Variants in PKHD1L1 observed in about 807,000 individuals in gnomAD.
PKHD1L1 encodes fibrocystin-L.
In PKHD1L1, 434 loss-of-function variants were observed where a neutral mutation model predicts 462.9. The observed-to-expected ratio is 0.94, with a 90% confidence interval of 0.87 to 1.02. PKHD1L1 has a LOEUF of 1.02. Ranked by LOEUF, PKHD1L1 falls within the 50% of genes least tolerant of loss-of-function variation. The pLI, the probability that PKHD1L1 is intolerant of heterozygous loss-of-function variation, is 0.00. For missense variants in PKHD1L1, 5,202 were observed against 5,096.1 expected (o/e 1.02, Z -0.63); for synonymous variants, 1,781 against 1,750.0 (o/e 1.02, Z -0.44).
At chr8:109,513,425 C>A (rs1820104547) in intron 71 of PKHD1L1, among the ~76,000 whole-genome samples, 1 of 152,106 alleles carries the variant, frequency 6.6e-6, no homozygotes, top group Non-Finnish European at 1.5e-5. Flanking sequence ...AAATTTACTT[C>A]AGAGACTGCA....
intron 39 of PKHD1L1, among the ~76,000 whole-genome samples, chr8:109,448,641 A>G (rs1179587578): frequency 6.6e-6 from 1 of 151,748 alleles, no homozygotes; most frequent in Non-Finnish European, 1.5e-5. Flanking sequence ...CCTCCCGAGT[A>G]GCTGGGACTA....
rs773444455 is a variant in PKHD1L1, at chr8:109,400,208, T to C, written c.1145T>C (p.Leu382Pro). The change falls in exon 13 of 78, where the codon CTC becomes CCC. Residue 382 changes from leucine (L) to proline (P), a missense_variant. Coordinates refer to ENST00000378402, the MANE Select transcript of PKHD1L1 (RefSeq NM_177531.6). ...GTAGATTCAGCTTCCTATATTTGGC[T>C]CATGGAACAAGACACATTTGTTGCA... ...SWVDSASYIW[L>P]MEQDTFVARF... The C allele has an allele frequency of 6.2e-7, 1 of 1,613,696 alleles. No individual in the cohort carries two copies. Among genetic ancestry groups the C allele is most frequent in the Admixed American group, 1.7e-5 (1 of 59,974 alleles).
rs769327934 is a variant in PKHD1L1 at position 109,489,942 on chromosome 8, C to T, written c.9881-10C>T. 27 of 1,530,774 alleles carry T rather than the reference C, an allele frequency of 1.8e-5. No homozygotes were observed. The highest frequency in any genetic ancestry group is 2.4e-5 in the Non-Finnish European group (27 of 1,109,648). 94.8% of individuals were successfully genotyped at this position (1,530,774 alleles called of 1,614,324 possible). ...AAGAAAAACAAATTTTAAATCTTTCCCTACCTTAGGAAATGCAAGAATAAG... is the reference window on the plus strand; with the variant it reads ...AAGAAAAACAAATTTTAAATCTTTCTCTACCTTAGGAAATGCAAGAATAAG... On this transcript the variant is annotated splice_polypyrimidine_tract_variant and intron_variant, in intron 59 of 77. Transcript: ENST00000378402.
chr8:109,425,009 G>A (rs1038415790), intron 23 of PKHD1L1, 76 bp from the exon 24 acceptor site: 53 of 1,225,880 alleles, frequency 4.3e-5, no homozygotes, highest in Non-Finnish European at 5.8e-5. Flanking sequence ...TCACAGGATT[G>A]TACCATGATG....
chr8:109,406,892 T>C (rs1347294096), intron 17 of PKHD1L1, among the ~76,000 whole-genome samples: 2 of 151,796 alleles, frequency 1.3e-5, no homozygotes, highest in African/African-American at 4.8e-5. Flanking sequence ...ACAGAGCTCA[T>C]TGGAATATTA....
intron 2 of PKHD1L1, 139 bp downstream of exon 2, chr8:109,364,775 T>C (rs1472267626): frequency 4.8e-6 from 3 of 630,770 alleles, no homozygotes; most frequent in Non-Finnish European, 5.4e-6. Context: ...AGTAAAACTC[T>C]GTCCTCTTTG....
intron 11 of PKHD1L1, among the ~76,000 whole-genome samples, chr8:109,398,226 T>A (rs1488298388): frequency 1.3e-5 from 2 of 152,184 alleles, no homozygotes; most frequent in East Asian, 3.8e-4. Context: ...AATTATGAAA[T>A]TTTCTATCTC....
chr8:109,457,291 T>A (rs1181923654), intron 46 of PKHD1L1, among the ~76,000 whole-genome samples: 1 of 152,172 alleles, frequency 6.6e-6, no homozygotes, highest in Non-Finnish European at 1.5e-5. Context: ...AAATATATAC[T>A]TAGCTTTAGT....
chr8:109,437,391 G>A (rs927438978), intron 30 of PKHD1L1, among the ~76,000 whole-genome samples: 8 of 151,778 alleles, frequency 5.3e-5, no homozygotes, highest in Non-Finnish European at 7.4e-5. Context: ...TGTGCACAAC[G>A]TGCAGGTTAG....
chr8:109,491,269 G>T (rs1818811667), intron 61 of PKHD1L1, among the ~76,000 whole-genome samples, 168 bp downstream of exon 61: 1 of 151,816 alleles, frequency 6.6e-6, no homozygotes, highest in Non-Finnish European at 1.5e-5. Context: ...TTGAGCACTT[G>T]AATTATGGCT....
intron 24 of PKHD1L1, among the ~76,000 whole-genome samples, chr8:109,425,548 T>C (rs912494458): frequency 2.6e-5 from 4 of 152,054 alleles, no homozygotes; most frequent in Admixed American, 2.0e-4. Context: ...AAAAATAATA[T>C]TTTTAAAAGT....
rs1229547161 is a variant in PKHD1L1 at position 109,464,471 on chromosome 8, C to T, written c.7639C>T (p.Gln2547Ter). ...ILQYNLAVFV[Q>*]QSTSLLNDDV... ...CCAGTATAACTTGGCAGTATTTGTA[C>T]AGCAAAGTACCAGTCTTCTGAATGA... The change falls in exon 49 of 78, where the codon CAG becomes TAG. Residue 2547 changes from glutamine to a stop codon, truncating the protein, a stop_gained. Coordinates refer to ENST00000378402, the MANE Select transcript of PKHD1L1 (RefSeq NM_177531.6). LOFTEE classifies it high-confidence loss of function. 1.2e-6 allele frequency: 2 copies of T among 1,613,706 alleles called. No homozygotes were observed.
intron 18 of PKHD1L1, among the ~76,000 whole-genome samples, chr8:109,409,110 C>G (rs555632019): frequency 6.6e-6 from 1 of 152,104 alleles, no homozygotes; most frequent in Non-Finnish European, 1.5e-5. Flanking sequence ...TAATTCTAAG[C>G]GACAATTATT....
intron 57 of PKHD1L1, 150 bp downstream of exon 57, chr8:109,483,255 C>T (rs1013229526): frequency 8.2e-5 from 43 of 525,242 alleles, no homozygotes; most frequent in Admixed American, 3.4e-4. Flanking sequence ...AAAATGTATC[C>T]GATAGGAGGC....
chr8:109,498,347 C>T, intron 65 of PKHD1L1, 115 bp from the exon 66 acceptor site: 3 of 271,586 alleles, frequency 1.1e-5, no homozygotes, highest in Non-Finnish European at 1.8e-5. Flanking sequence ...ATGATCCACC[C>T]GCCTCGGCCT....
chr8:109,531,631 A>C lies in PKHD1L1; in HGVS notation c.*1541A>C, dbSNP rs180906086. Among the ~76,000 whole-genome samples, 134 of 152,328 alleles carry C rather than the reference A, an allele frequency of 8.8e-4. No homozygotes were observed. Among genetic ancestry groups the C allele is most frequent in the Admixed American group, 3.9e-3 (59 of 15,298 alleles). On this transcript the variant is annotated 3_prime_UTR_variant, in exon 78 of 78. Coordinates refer to ENST00000378402, the MANE Select transcript of PKHD1L1 (RefSeq NM_177531.6). ...ACTGAAGGCCTAGGGGCTACAGAAA[A>C]AATTCAAATGAACAGCTGGAATGGA...
At chr8:109,520,586 G>A (rs754784263) in intron 73 of PKHD1L1, among the ~76,000 whole-genome samples, 1 of 152,158 alleles carries the variant, frequency 6.6e-6, no homozygotes, top group African/African-American at 2.4e-5. Context: ...CATAGACTGC[G>A]ATAGTGTTTC....
chr8:109,494,284 T>C (rs1414107733), intron 63 of PKHD1L1, among the ~76,000 whole-genome samples: 3 of 151,938 alleles, frequency 2.0e-5, no homozygotes, highest in Non-Finnish European at 4.4e-5. Flanking sequence ...ATTTACACCT[T>C]GCTGGTTGAA....
chr8:109,362,787 T>C, intron 1 of PKHD1L1, 134 bp downstream of exon 1: 2 of 936,758 alleles, frequency 2.1e-6, no homozygotes, highest in Admixed American at 4.2e-5. Context: ...ATGACGATCC[T>C]GGGGACCAGG....
Sources: gnomAD v4.1 joint callset for allele counts (sites outside exome capture counted in the v4.1 genomes callset) on GRCh38, gnomAD v4.1.1 for gene constraint, MANE v1.5 for transcripts, NCBI Gene and HGNC (gene_info 2026-07-23, HGNC 2026-07-21) for gene names.